TTC16: variants seen among roughly 807,000 people sequenced by gnomAD.
TTC16 encodes the protein tetratricopeptide repeat protein 16.
TTC16 carries 66 observed loss-of-function variants against 80.4 expected under a neutral mutation model. That is an observed-to-expected ratio of 0.82 (90% CI 0.67 to 1.01). The LOEUF is 1.01. Ranked by LOEUF, TTC16 falls within the 50% of genes least tolerant of loss-of-function variation. The pLI is 0.00. For missense variants in TTC16, 1,070 were observed against 1,103.2 expected, an observed-to-expected ratio of 0.97 and a Z score of 0.43; for synonymous variants, 438 against 451.3, an observed-to-expected ratio of 0.97 and a Z score of 0.37.
chr9:127,731,337 T>C lies in TTC16; in HGVS notation c.2554T>C (p.Trp852Arg). The C allele has an allele frequency of 6.2e-7, 1 of 1,613,030 alleles. No individual in the cohort carries two copies. Among genetic ancestry groups the C allele is most frequent in the African/African-American group, 1.3e-5 (1 of 75,058 alleles). The stretch of plus-strand genomic sequence containing the variant: ...AACTTCCAGCAAGGCCGAGTCCACC[T>C]GGGGACCCAGCCCAAGTCTCAGCAA... ...SSTSSKAEST[W>R]GPSPSLSKTE... The change falls in exon 14 of 14, where the codon TGG (tryptophan) becomes CGG (arginine). Residue 852 changes from tryptophan to arginine, a missense_variant. Physicochemically the swap from Trp to Arg is moderately radical, Grantham distance 101. Transcript: ENST00000373289.
rs1844412104 is a variant in TTC16 at position 127,731,431 on chromosome 9, T to G, written c.*26T>G. On this transcript the variant is annotated 3_prime_UTR_variant, in exon 14 of 14. Coordinates refer to ENST00000373289, the MANE Select transcript of TTC16 (RefSeq NM_144965.3). The stretch of plus-strand genomic sequence containing the variant: ...AGGGACCATCCAGACCCTCCCTTCT[T>G]GCTGGGGAGGGGACGAGTTCTACCC... The G allele has an allele frequency of 6.3e-7, 1 of 1,585,016 alleles. No individual in the cohort carries two copies. Among genetic ancestry groups the G allele is most frequent in the Non-Finnish European group, 8.6e-7 (1 of 1,163,490 alleles).
chr9:127,731,551 C>T lies in TTC16; in HGVS notation c.*146C>T, dbSNP rs752689635. ...TGGTCCCACAGCTGAGTTTATTATA[C>T]TTGTTTTCTTTTACAAAATTAAAAA... On this transcript the variant is annotated 3_prime_UTR_variant, in exon 14 of 14. Coordinates refer to ENST00000373289, the MANE Select transcript of TTC16 (RefSeq NM_144965.3). 7.0e-6 allele frequency: 10 copies of T among 1,422,608 alleles called. No homozygotes were observed. The highest frequency in any genetic ancestry group is 1.6e-5 in the South Asian group (1 of 64,382). 88.1% of individuals were successfully genotyped at this position (1,422,608 alleles called of 1,614,324 possible).
intron 12 of TTC16, chr9:127,728,435 G>A (rs1844146687): frequency 6.6e-6 from 1 of 152,268 alleles, no homozygotes; most frequent in African/African-American, 2.4e-5. Context: ...TAGACATCAA[G>A]TACACTAATG....
In TTC16 at chr9:127,717,722, C is replaced by T. The variant is rs775157778; in HGVS notation, c.376C>T (p.Gln126Ter). ...QNLRRAYSLQ[Q>*]DNCKHLERLT... ...CCTGCGAAGGGCCTACTCATTACAG[C>T]AGGACAACTGCAAGCACCTGGAGCG... Residue 126 changes from glutamine to a stop codon, truncating the protein, a stop_gained, in exon 4 of 14, where the codon CAG (glutamine) becomes TAG (stop). Transcript: ENST00000373289. LOFTEE classifies it high-confidence loss of function. 36 of 1,613,844 alleles carry T rather than the reference C, an allele frequency of 2.2e-5. No homozygotes were observed. Among genetic ancestry groups the T allele is most frequent in the South Asian group, 1.3e-4 (12 of 91,092 alleles).
intron 10 of TTC16, 39 bp downstream of exon 10, chr9:127,726,443 C>T (rs746513731): frequency 6.6e-7 from 1 of 1,511,834 alleles, no homozygotes; most frequent in South Asian, 1.3e-5. Flanking sequence ...GCTCCGGAGT[C>T]ATGCCCGGTG....
At chr9:127,726,513 C>A in intron 10 of TTC16, 109 bp downstream of exon 10, 1 of 1,246,154 alleles carries the variant, frequency 8.0e-7, no homozygotes. Context: ...TAAGGCCAGG[C>A]ATGGTGGGTC....
At position 127,726,272 on chromosome 9, in the gene TTC16, G is replaced by A. The variant is rs746297497; in HGVS notation, c.1293G>A (p.Thr431=). 8.1e-6 allele frequency: 13 copies of A among 1,602,930 alleles called. No homozygotes were observed. The highest frequency in any genetic ancestry group is 4.4e-5 in the South Asian group (4 of 90,494). ...AGAAGGCAGAGAACCACTTCTCCACGGCCATCCGGCACAACCCCCAGAAGG... is the reference window on the plus strand; with the variant it reads ...AGAAGGCAGAGAACCACTTCTCCACAGCCATCCGGCACAACCCCCAGAAGG... ...QFQKAENHFS[T]AIRHNPQKAQ... is the part of the protein sequence containing the mutation. Residue 431 remains threonine (T), a synonymous_variant, in exon 10 of 14, where the codon ACG becomes ACA. Coordinates refer to ENST00000373289, the MANE Select transcript of TTC16 (RefSeq NM_144965.3).
intron 3 of TTC16, 62 bp downstream of exon 3, chr9:127,717,486 G>A (rs945613838): frequency 6.3e-7 from 1 of 1,580,552 alleles, no homozygotes; most frequent in South Asian, 1.2e-5. Flanking sequence ...CCTCCCTGTC[G>A]CACCTGCCAG....
rs1411806844 is a variant in TTC16 at position 127,724,740 on chromosome 9, C to T, written c.1118-16C>T. The stretch of plus-strand genomic sequence containing the variant: ...TGGGAGTTGGGGGTCCACTCACCCC[C>T]GCCTCCGGACCCTAGATTGCTTCTT... On this transcript the variant is annotated splice_polypyrimidine_tract_variant and intron_variant, in intron 8 of 13. Transcript: ENST00000373289. 1 of 1,604,436 alleles carries T rather than the reference C, an allele frequency of 6.2e-7. No homozygotes were observed. Among genetic ancestry groups the T allele is most frequent in the Non-Finnish European group, 8.5e-7 (1 of 1,177,728 alleles).
Position 127,727,300 on chromosome 9 carries a change from G to A in TTC16, c.1599G>A (p.Gln533=). ...TTAAACGGCACGAGTTGGAGCGCCA[G>A]AAGGCCTTGGCCCTGCAGCACTCAT... The part of the protein sequence containing the change: ...GMLKRHELER[Q]KALALQHSWK... The change falls in exon 12 of 14, where the codon CAG becomes CAA. Residue 533 remains glutamine (Q), a synonymous_variant. Transcript: ENST00000373289. The A allele has an allele frequency of 6.3e-7, 1 of 1,578,558 alleles. No homozygotes were observed. Among genetic ancestry groups the A allele is most frequent in the Non-Finnish European group, 8.6e-7 (1 of 1,159,778 alleles).
chr9:127,717,211 C>T, intron 2 of TTC16, 123 bp from the exon 3 acceptor site: 1 of 1,184,398 alleles, frequency 8.4e-7, no homozygotes, highest in African/African-American at 1.5e-5. Flanking sequence ...CCCTGGGCTT[C>T]TGTCTACTCC....
rs1005170886 is a variant in TTC16 at position 127,722,393 on chromosome 9, G to A, written c.658-726G>A. On this transcript the variant is annotated intron_variant, in intron 6 of 13. Coordinates refer to ENST00000373289, the MANE Select transcript of TTC16 (RefSeq NM_144965.3). The surrounding 1 kb of genome is among the most constrained non-coding windows in gnomAD (Gnocchi z 4.2). Reference sequence around the variant, plus strand: ...GGAGGTTTCCACTGTACCCAGGCCCGAATCTGGGCTTGGGCAGAGGAGTCT... The same window carrying A: ...GGAGGTTTCCACTGTACCCAGGCCCAAATCTGGGCTTGGGCAGAGGAGTCT... Among the ~76,000 whole-genome samples, 1 of 152,150 alleles carries A rather than the reference G, an allele frequency of 6.6e-6. No homozygotes were observed. The highest frequency in any genetic ancestry group is 1.5e-5 in the Non-Finnish European group (1 of 68,018).
chr9:127,731,207 C>T lies in TTC16; in HGVS notation c.2424C>T (p.Phe808=). The T allele has an allele frequency of 6.2e-7, 1 of 1,613,040 alleles. No individual in the cohort carries two copies. Among genetic ancestry groups the T allele is most frequent in the Non-Finnish European group, 8.5e-7 (1 of 1,179,912 alleles). The change falls in exon 14 of 14, where the codon TTC becomes TTT. Residue 808 remains phenylalanine (F), a synonymous_variant. Coordinates refer to ENST00000373289, the MANE Select transcript of TTC16 (RefSeq NM_144965.3). ...LLRSSTKTEA[F]YDSNWSLSKT... ...GAAGTTCCACCAAGACTGAGGCTTT[C>T]TATGACTCAAACTGGAGCCTCAGCA... is the stretch of plus-strand genomic sequence containing the variant.
In TTC16 at chr9:127,729,650, T is replaced by G; in HGVS notation, c.1834T>G (p.Ser612Ala). The G allele has an allele frequency of 6.2e-7, 1 of 1,613,618 alleles. No individual in the cohort carries two copies. ...TGACAGCTACCTTGACCAGACCTCT[T>G]CAGCCTCCAGCATGAGCTGTAAGTC... ...LSDSYLDQTS[S>A]ASSMSFRTTG... Residue 612 changes from serine to alanine, a missense_variant, in exon 13 of 14, where the codon TCA becomes GCA. Transcript: ENST00000373289.
rs1564383700 is a variant in TTC16 at position 127,723,133 on chromosome 9, C to T, written c.672C>T (p.Tyr224=). ...GCCTCCTGCAGCCCCACCTCTGCTA[C>T]CGGGACCTGCACAGCGCCTTGCTGT... ...YNFLQKPHLC[Y]RDLHSALLLN... Residue 224 remains tyrosine (Y), a synonymous_variant, in exon 7 of 14, where the codon TAC becomes TAT. Coordinates refer to ENST00000373289, the MANE Select transcript of TTC16 (RefSeq NM_144965.3). The T allele has an allele frequency of 1.2e-6, 2 of 1,611,678 alleles. No individual in the cohort carries two copies. The highest frequency in any genetic ancestry group is 2.7e-5 in the African/African-American group (2 of 75,048).
Position 127,720,601 on chromosome 9 carries a change from C to T in TTC16, c.657+206C>T, listed in dbSNP as rs552250479. On this transcript the variant is annotated intron_variant, in intron 6 of 13. Coordinates refer to ENST00000373289, the MANE Select transcript of TTC16 (RefSeq NM_144965.3). ...GGTCCTTGTTCCACTGTTGCTCAGC[C>T]CTGGCTCTGTGCTAGGCCTGTGCTG... 3.9e-5 allele frequency among the ~76,000 whole-genome samples: 6 copies of T among 152,162 alleles called. No homozygotes were observed. The East Asian group carries it at 1.2e-3, about 29-fold the overall frequency.
intron 6 of TTC16, among the ~76,000 whole-genome samples, chr9:127,721,236 C>T (rs894841216): frequency 2.0e-5 from 3 of 151,798 alleles, no homozygotes; most frequent in South Asian, 4.2e-4. Context: ...TTCTGGTGTC[C>T]GCAGGGAGTG....
At position 127,720,355 on chromosome 9, in the gene TTC16, T is replaced by C. The variant is rs572035249; in HGVS notation, c.617T>C (p.Val206Ala). 6.2e-7 allele frequency: 1 copy of C among 1,613,302 alleles called. No homozygotes were observed. Among genetic ancestry groups the C allele is most frequent in the South Asian group, 1.1e-5 (1 of 91,082 alleles). ...ELKQDTTNAD[V>A]YIFRARLYNF... is the part of the protein sequence containing the mutation. Reference sequence around the variant, plus strand: ...AAGCAGGACACCACCAACGCCGATGTCTACATCTTCCGGGCCAGACTCTAC... The same window carrying C: ...AAGCAGGACACCACCAACGCCGATGCCTACATCTTCCGGGCCAGACTCTAC... The change falls in exon 6 of 14, where the codon GTC becomes GCC. Residue 206 changes from valine to alanine, a missense_variant. By Grantham distance (64) the Val-to-Ala change is moderately conservative (BLOSUM62 0). Coordinates refer to ENST00000373289, the MANE Select transcript of TTC16 (RefSeq NM_144965.3).
In TTC16 at chr9:127,716,914, G is replaced by C. The variant is rs762086277; in HGVS notation, c.89G>C (p.Gly30Ala). Residue 30 changes from glycine to alanine, a missense_variant, in exon 2 of 14, where the codon GGG becomes GCG. Coordinates refer to ENST00000373289, the MANE Select transcript of TTC16 (RefSeq NM_144965.3). Reference protein sequence around the residue: ...PKPWVIPAPKGILQHIFGTSH... With the variant: ...PKPWVIPAPKAILQHIFGTSH... ...CCATGGGTGATTCCAGCCCCCAAAG[G>C]GATCCTGCAGCACATCTTTGGGACC... The C allele has an allele frequency of 6.2e-7, 1 of 1,614,082 alleles. No individual in the cohort carries two copies. Among genetic ancestry groups the C allele is most frequent in the East Asian group, 2.2e-5 (1 of 44,874 alleles).
Sources: gnomAD v4.1 joint callset for allele counts (sites outside exome capture counted in the v4.1 genomes callset) on GRCh38, gnomAD v4.1.1 for gene constraint, Gnocchi (gnomAD v3.1) non-coding constraint, MANE v1.5 for transcripts, NCBI Gene and HGNC (gene_info 2026-07-23, HGNC 2026-07-21) for gene names.